Variants in PLCZ1 observed in about 807,000 individuals in gnomAD.
PLCZ1 encodes the protein 1-phosphatidylinositol 4,5-bisphosphate phosphodiesterase zeta-1.
PLCZ1 carries 64 observed loss-of-function variants against 76.8 expected under a neutral mutation model. The observed-to-expected ratio is 0.83, with a 90% CI of 0.68 to 1.03. The LOEUF is 1.03. Among genes scored for constraint, PLCZ1 ranks in the 50% least tolerant of loss-of-function variants. The probability of loss-of-function intolerance (pLI) is 0.00; values close to 1 mark genes in which losing one functional copy is unlikely to be tolerated. For synonymous variants in PLCZ1, 248 were observed against 230.8 expected (o/e 1.07, Z -0.68); for missense variants, 751 against 713.7 (o/e 1.05, Z -0.60).
chr12:18,692,726 A>G, intron 12 of PLCZ1: 1 of 866,782 alleles, frequency 1.2e-6, no homozygotes, highest in Non-Finnish European at 1.9e-6. Flanking sequence ...ATCAACATAA[A>G]GAAAAAATGT....
the PLCZ1 span, among the ~76,000 whole-genome samples, chr12:18,652,614 T>C: frequency 6.6e-6 from 1 of 152,216 alleles, no homozygotes; most frequent in Admixed American, 6.5e-5. Flanking sequence ...CCACAAATAC[T>C]TGGCACAATG....
chr12:18,722,028 G>T (rs1017340536), intron 4 of PLCZ1, among the ~76,000 whole-genome samples: 1 of 151,944 alleles, frequency 6.6e-6, no homozygotes, highest in Admixed American at 6.6e-5. Flanking sequence ...CAGTCCTCCT[G>T]TTCCTTCAGT....
chr12:18,732,168 T>G (rs1340720203), intron 3 of PLCZ1, among the ~76,000 whole-genome samples: 3 of 152,100 alleles, frequency 2.0e-5, no homozygotes, highest in Non-Finnish European at 4.4e-5. Flanking sequence ...AATTATTTTT[T>G]CCCCACAGGG....
chr12:18,736,759 G>T (rs1342980395), intron 2 of PLCZ1: 2 of 1,060,244 alleles, frequency 1.9e-6, no homozygotes, highest in East Asian at 5.9e-5. Flanking sequence ...CTTAAGGAAA[G>T]TGGAAGCATT....
intron 7 of PLCZ1, 141 bp downstream of exon 7, chr12:18,705,025 A>G: frequency 2.1e-6 from 2 of 974,218 alleles, no homozygotes; most frequent in Non-Finnish European, 1.6e-6. Flanking sequence ...TCCCTAGGCA[A>G]CATTGCAAAA....
chr12:18,734,133 G>A (rs1959174089), intron 3 of PLCZ1, among the ~76,000 whole-genome samples: 1 of 152,108 alleles, frequency 6.6e-6, no homozygotes, highest in South Asian at 2.1e-4. Context: ...TATTTCATCA[G>A]TGGTTTACAG....
intron 3 of PLCZ1, among the ~76,000 whole-genome samples, chr12:18,734,517 A>G (rs1249681757): frequency 5.3e-5 from 8 of 152,066 alleles, no homozygotes; most frequent in Non-Finnish European, 1.2e-4. Flanking sequence ...CGTCTGGCTA[A>G]TTTTTGTGTT....
the PLCZ1 span, among the ~76,000 whole-genome samples, chr12:18,657,398 A>G: frequency 6.6e-6 from 1 of 152,146 alleles, no homozygotes; most frequent in African/African-American, 2.4e-5. Flanking sequence ...TCACTGGCTG[A>G]CCCTCAGGCT....
intron 6 of PLCZ1, among the ~76,000 whole-genome samples, chr12:18,711,999 G>C (rs1259481421): frequency 6.6e-6 from 1 of 151,974 alleles, no homozygotes; most frequent in African/African-American, 2.4e-5. Flanking sequence ...ATATAAATTT[G>C]TGATTTTAAG....
At chr12:18,696,076 G>A (rs2137182325) in intron 11 of PLCZ1, 74 bp downstream of exon 11, 1 of 852,478 alleles carries the variant, frequency 1.2e-6, no homozygotes, top group Non-Finnish European at 1.9e-6. Flanking sequence ...CTTTTCACGA[G>A]TTTTTCATAC....
At chr12:18,690,166 C>A (rs942361490) in intron 12 of PLCZ1, among the ~76,000 whole-genome samples, 2 of 152,236 alleles carry the variant, frequency 1.3e-5, no homozygotes, top group Admixed American at 6.5e-5. Context: ...TGGGCATATA[C>A]TTTGTGTAAG....
At chr12:18,710,195 T>C (rs986516251) in intron 6 of PLCZ1, among the ~76,000 whole-genome samples, 14 of 148,788 alleles carry the variant, frequency 9.4e-5, no homozygotes, top group Admixed American at 2.1e-4. Flanking sequence ...ATTTCTTGCT[T>C]TTTGGAATCT....
At chr12:18,679,791 GA>G (rs1200790101), downstream of PLCZ1, among the ~76,000 whole-genome samples, 1 of 151,922 alleles carries the variant, frequency 6.6e-6, no homozygotes, top group African/African-American at 2.4e-5. Flanking sequence ...ATGGAAAGTA[GA>G]AAAAGGGCAC....
rs190764547 is a variant in PLCZ1, at chr12:18,689,186, A to G, written c.1462-968T>C. Among the ~76,000 whole-genome samples the G allele has an allele frequency of 3.1e-3, 479 of 152,272 alleles. 1 individual carries two copies. The highest frequency in any genetic ancestry group is 3.1e-3 in the Non-Finnish European group (214 of 68,012). ...ATAAACATATAGTACACTGGTCCCA[A>G]TACCACTATAGACCCGCTAAATATC... On this transcript the variant is annotated intron_variant, in intron 12 of 14. Transcript: ENST00000266505.
At chr12:18,711,344 T>C (rs1274435740) in intron 6 of PLCZ1, among the ~76,000 whole-genome samples, 5 of 115,794 alleles carry the variant, frequency 4.3e-5, no homozygotes, top group African/African-American at 6.9e-5. Context: ...TGAGAACACA[T>C]GGACACAGGA....
chr12:18,656,349 G>C, the PLCZ1 span, among the ~76,000 whole-genome samples: 4 of 152,134 alleles, frequency 2.6e-5, no homozygotes, highest in African/African-American at 9.6e-5. Flanking sequence ...AGGCTGAGGC[G>C]GGTGGATCAC....
At chr12:18,737,558 T>C (rs1424110565) in intron 1 of PLCZ1, 49 bp from the exon 2 acceptor site, 4 of 761,420 alleles carry the variant, frequency 5.3e-6, no homozygotes, top group Non-Finnish European at 9.1e-6. Flanking sequence ...CCTTCGTTCT[T>C]TGAAGCTAGC....
At chr12:18,648,283 A>G in the PLCZ1 span, 3 of 252,046 alleles carry the variant, frequency 1.2e-5, no homozygotes, top group Non-Finnish European at 2.3e-5. Flanking sequence ...AAAGACCTTT[A>G]TTAAATCATT....
At chr12:18,688,417 G>A (rs1394542311) in intron 12 of PLCZ1, among the ~76,000 whole-genome samples, 199 bp from the exon 13 acceptor site, 1 of 151,866 alleles carries the variant, frequency 6.6e-6, no homozygotes, top group Non-Finnish European at 1.5e-5. Flanking sequence ...CCAAGAATAT[G>A]TACAAAATTA....
Sources: gnomAD v4.1 joint callset for allele counts (sites outside exome capture counted in the v4.1 genomes callset) on GRCh38, gnomAD v4.1.1 for gene constraint, MANE v1.5 for transcripts, NCBI Gene and HGNC (gene_info 2026-07-23, HGNC 2026-07-21) for gene names.